TMEM220: variants seen among roughly 807,000 people sequenced by gnomAD.
TMEM220 encodes transmembrane protein 220.
In TMEM220, 21 loss-of-function variants were observed where a neutral mutation model predicts 21.7. The ratio of observed to expected loss-of-function variants is 0.97; its 90% CI spans 0.69 to 1.39. TMEM220 has a LOEUF of 1.39. Ranked by LOEUF, TMEM220 falls within the 40% of genes most tolerant of loss-of-function variation. The pLI is 0.00. For missense variants in TMEM220, 191 were observed against 201.9 expected, an observed-to-expected ratio of 0.95 and a Z score of 0.33; for synonymous variants, 80 against 73.6, an observed-to-expected ratio of 1.09 and a Z score of -0.45.
intron 5 of TMEM220, among the ~76,000 whole-genome samples, chr17:10,722,033 C>T (rs528975896): frequency 2.7e-5 from 4 of 148,706 alleles, no homozygotes; most frequent in African/African-American, 7.5e-5. Flanking sequence ...TGCTCTATCG[C>T]GCAGGCTGGA....
At chr17:10,724,829 G>C (rs2075030202) in intron 4 of TMEM220, among the ~76,000 whole-genome samples, 182 bp downstream of exon 4, 1 of 152,214 alleles carries the variant, frequency 6.6e-6, no homozygotes, top group Non-Finnish European at 1.5e-5. Context: ...GGCTGGGTTT[G>C]AATCCTGGCT....
intron 5 of TMEM220, chr17:10,715,992 T>C (rs1190360219): frequency 9.3e-6 from 3 of 322,652 alleles, no homozygotes; most frequent in Non-Finnish European, 1.1e-5. Context: ...TATAAAAATA[T>C]ACTGCCCTGA....
Position 10,728,279 on chromosome 17 carries a change from T to C in TMEM220, c.102+752A>G, listed in dbSNP as rs138260126. On this transcript the variant is annotated intron_variant, in intron 2 of 5. Transcript: ENST00000341871. ...CTGTAGGTTTTACAGGATTTAATACTTTTCTTTGCTTTTTTTTTTTCTTTT... is the reference window on the plus strand; with the variant it reads ...CTGTAGGTTTTACAGGATTTAATACCTTTCTTTGCTTTTTTTTTTTCTTTT... Among the ~76,000 whole-genome samples the C allele has an allele frequency of 3.6e-3, 550 of 151,552 alleles. 2 individuals carry two copies. Among genetic ancestry groups the C allele is most frequent in the African/African-American group, 0.013 (526 of 41,332 alleles).
rs527986826 is a variant in TMEM220, at chr17:10,729,556, C to T, written c.72+224G>A. On this transcript the variant is annotated intron_variant, in intron 1 of 5. Transcript: ENST00000341871. ...GAAGTTCCACGCGCGGAACCAGCCC[C>T]TTCCAGGGTGTGAGCCCTGGTATGG... 5.3e-4 allele frequency among the ~76,000 whole-genome samples: 81 copies of T among 152,334 alleles called. 1 individual carries two copies. The Middle Eastern group carries it at 0.01, about 19-fold the overall frequency.
At chr17:10,728,984 C>T (rs779281025) in intron 2 of TMEM220, 47 bp downstream of exon 2, 3 of 1,606,208 alleles carry the variant, frequency 1.9e-6, no homozygotes, top group South Asian at 2.2e-5. Flanking sequence ...TGTGCCGTTC[C>T]CCAATTCTTC....
chr17:10,718,045 C>G (rs962979805), intron 5 of TMEM220, among the ~76,000 whole-genome samples: 2 of 152,146 alleles, frequency 1.3e-5, no homozygotes, highest in African/African-American at 4.8e-5. Flanking sequence ...TGGTCTTGAA[C>G]TCCTGACCTC....
At chr17:10,724,942 G>A (rs796354696) in intron 4 of TMEM220, 69 bp downstream of exon 4, 1 of 1,599,908 alleles carries the variant, frequency 6.3e-7, no homozygotes, top group Non-Finnish European at 8.6e-7. Flanking sequence ...CAGATGAGGT[G>A]TTGCAAACAC....
In TMEM220 at chr17:10,713,528, C is replaced by T. The variant is rs1363646118; in HGVS notation, c.*1925G>A. On this transcript the variant is annotated 3_prime_UTR_variant, in exon 6 of 6. Transcript: ENST00000341871. The stretch of plus-strand genomic sequence containing the variant: ...AACATGACTTGGTCAATGGATAGAG[C>T]CCACAGGGAATTTGCAAATGAGTCT... The T allele has an allele frequency of 6.8e-6, 1 of 145,988 alleles. No homozygotes were observed. The highest frequency in any genetic ancestry group is 6.9e-5 in the Admixed American group (1 of 14,434). 9.0% of individuals were successfully genotyped at this position (145,988 alleles called of 1,614,324 possible).
chr17:10,726,447 G>C (rs1196737390), intron 2 of TMEM220, 183 bp from the exon 3 acceptor site: 3 of 614,740 alleles, frequency 4.9e-6, no homozygotes. Flanking sequence ...TAGCACGTCT[G>C]CCTGCAATTT....
intron 5 of TMEM220, among the ~76,000 whole-genome samples, chr17:10,717,067 T>TG (rs1311786178): frequency 6.6e-6 from 1 of 152,222 alleles, no homozygotes; most frequent in African/African-American, 2.4e-5. Context: ...ATTCTAGTAA[T>TG]TTTTTAGATT....
In TMEM220 at chr17:10,726,256, G is replaced by A. The variant is rs2075047511; in HGVS notation, c.111C>T (p.Tyr37=). 3 of 1,613,718 alleles carry A rather than the reference G, an allele frequency of 1.9e-6. No homozygotes were observed. The highest frequency in any genetic ancestry group is 3.3e-5 in the Admixed American group (2 of 60,000). Reference sequence around the variant, plus strand: ...GCAGGGTCAGTACTGCAGGGATTGTGTACACCACCTGTTAGCAAAAAGGGA... The same window carrying A: ...GCAGGGTCAGTACTGCAGGGATTGTATACACCACCTGTTAGCAAAAAGGGA... The part of the protein sequence containing the change: ...DPDAEVWVVV[Y]TIPAVLTLLV... Residue 37 remains tyrosine, a synonymous_variant, in exon 3 of 6, where the codon TAC becomes TAT. Transcript: ENST00000341871.
At position 10,725,522 on chromosome 17, in the gene TMEM220, T is replaced by C. The variant is rs77319489; in HGVS notation, c.164-388A>G. 5.8e-3 allele frequency among the ~76,000 whole-genome samples: 888 copies of C among 152,334 alleles called. 6 individuals carry two copies. The highest frequency in any genetic ancestry group is 0.01 in the Middle Eastern group (3 of 294). On this transcript the variant is annotated intron_variant, in intron 3 of 5. Coordinates refer to ENST00000341871, the MANE Select transcript of TMEM220 (RefSeq NM_001004313.3). ...CAAGCAATCAGAGCCAGCAACTGCA[T>C]TCTGAGACTTTGGTAGAGTGAAGAA... is the stretch of plus-strand genomic sequence containing the variant.
chr17:10,716,513 G>C, intron 5 of TMEM220: 1 of 641,000 alleles, frequency 1.6e-6, no homozygotes, highest in Non-Finnish European at 3.0e-6. Context: ...CACTCTTCAT[G>C]GCTTGCAAAA....
intron 5 of TMEM220, among the ~76,000 whole-genome samples, chr17:10,721,612 AAAAAAAAG>A (rs2074990591): frequency 1.4e-5 from 2 of 138,672 alleles, no homozygotes; most frequent in South Asian, 2.2e-4. Flanking sequence ...CTCAAAAAAA[AAAAAAAAG>A]AAAAAAAGAA....
intron 5 of TMEM220, among the ~76,000 whole-genome samples, chr17:10,720,482 A>G (rs912189698): frequency 6.6e-6 from 1 of 152,172 alleles, no homozygotes; most frequent in Admixed American, 6.5e-5. Context: ...TAAGTCACAC[A>G]TTTGCTCCAC....
At chr17:10,721,040 ATATT>A (rs1174473090) in intron 5 of TMEM220, among the ~76,000 whole-genome samples, 1 of 152,234 alleles carries the variant, frequency 6.6e-6, no homozygotes, top group African/African-American at 2.4e-5. Context: ...GTACGTGTAT[ATATT>A]TATGTATGCA....
At chr17:10,729,234 T>C (rs941227591) in intron 1 of TMEM220, among the ~76,000 whole-genome samples, 174 bp from the exon 2 acceptor site, 4 of 152,230 alleles carry the variant, frequency 2.6e-5, no homozygotes, top group Admixed American at 2.6e-4. Context: ...AAGGGGTTTC[T>C]GGCTGACACA....
chr17:10,727,497 G>T (rs2075061625), intron 2 of TMEM220, among the ~76,000 whole-genome samples: 1 of 152,190 alleles, frequency 6.6e-6, no homozygotes, highest in Non-Finnish European at 1.5e-5. Context: ...TATCTGAGGA[G>T]CAGTGTGACA....
intron 2 of TMEM220, among the ~76,000 whole-genome samples, chr17:10,728,455 G>T (rs973892647): frequency 6.6e-6 from 1 of 151,800 alleles, no homozygotes; most frequent in African/African-American, 2.4e-5. Flanking sequence ...GACTACAGGC[G>T]CATGCCACCA....
Sources: allele counts gnomAD v4.1 joint callset (sites outside exome capture counted in the v4.1 genomes callset), GRCh38; gene constraint gnomAD v4.1.1; transcripts MANE v1.5; gene names NCBI Gene and HGNC (gene_info 2026-07-23, HGNC 2026-07-21).